Variants in SLAIN1 observed in about 807,000 individuals in gnomAD.
SLAIN1 encodes the protein SLAIN motif-containing protein 1.
Under a neutral mutation model 55.4 loss-of-function variants are expected in SLAIN1, and 17 were observed. That is an observed-to-expected ratio of 0.31 (90% CI 0.21 to 0.46). SLAIN1 has a LOEUF of 0.46. Among genes scored for constraint, SLAIN1 ranks in the 20% least tolerant of loss-of-function variants. The pLI, the probability that SLAIN1 is intolerant of heterozygous loss-of-function variation, is 1.00. For missense variants in SLAIN1, 682 were observed against 785.1 expected (o/e 0.87, Z 1.57); for synonymous variants, 348 against 337.4 (o/e 1.03, Z -0.35).
At chr13:77,756,442 G>A (rs1000527157) in intron 5 of SLAIN1, among the ~76,000 whole-genome samples, 1 of 151,940 alleles carries the variant, frequency 6.6e-6, no homozygotes, top group Admixed American at 6.6e-5. Flanking sequence ...TAATTTCTAG[G>A]TATTGTGATT....
intron 1 of SLAIN1, among the ~76,000 whole-genome samples, chr13:77,714,337 C>T (rs1399201200): frequency 6.6e-6 from 1 of 152,062 alleles, no homozygotes; most frequent in Non-Finnish European, 1.5e-5. Context: ...GAGTACTGGT[C>T]ATGGTGGGTC....
At chr13:77,721,841 G>A (rs1392141548) in intron 2 of SLAIN1, among the ~76,000 whole-genome samples, 1 of 150,206 alleles carries the variant, frequency 6.7e-6, no homozygotes, top group Non-Finnish European at 1.5e-5. Context: ...TTCTTAGCTG[G>A]TGAATTATTA....
At chr13:77,718,742 C>G (rs190890851) in intron 1 of SLAIN1, among the ~76,000 whole-genome samples, 1 of 152,056 alleles carries the variant, frequency 6.6e-6, no homozygotes, top group Non-Finnish European at 1.5e-5. Flanking sequence ...CACCCTCCCC[C>G]CTTTTTTAGT....
intron 1 of SLAIN1, among the ~76,000 whole-genome samples, chr13:77,716,849 G>A (rs2154409615): frequency 6.6e-6 from 1 of 152,100 alleles, no homozygotes; most frequent in East Asian, 1.9e-4. Context: ...TCTTTCCAAT[G>A]TAAATGTTTT....
At chr13:77,724,760 T>G (rs1162650830) in intron 2 of SLAIN1, among the ~76,000 whole-genome samples, 1 of 152,226 alleles carries the variant, frequency 6.6e-6, no homozygotes, top group Non-Finnish European at 1.5e-5. Context: ...TTTATTATAC[T>G]TTAAGTTTTA....
chr13:77,748,683 C>T (rs1360909617), intron 4 of SLAIN1, among the ~76,000 whole-genome samples: 1 of 152,002 alleles, frequency 6.6e-6, no homozygotes, highest in Non-Finnish European at 1.5e-5. Context: ...CCTAAAATGT[C>T]TAGTTTTCAC....
chr13:77,760,796 G>A (rs1357088705), intron 5 of SLAIN1, 32 bp from the exon 6 acceptor site: 1 of 1,606,362 alleles, frequency 6.2e-7, no homozygotes, highest in Non-Finnish European at 8.5e-7. Context: ...GTGGTAGAAG[G>A]TTGCTCACAT....
intron 2 of SLAIN1, among the ~76,000 whole-genome samples, chr13:77,723,547 T>C (rs2091280814): frequency 6.6e-6 from 1 of 152,220 alleles, no homozygotes; most frequent in South Asian, 2.1e-4. Flanking sequence ...TATAGAATTC[T>C]AGGTTAAAAA....
chr13:77,761,009 T>C lies in SLAIN1; in HGVS notation c.1596T>C (p.Ala532=), dbSNP rs1474341042. 6.2e-7 allele frequency: 1 copy of C among 1,614,216 alleles called. No homozygotes were observed. ...SNTGIPTPNK[A]AASGIMGRSA... ...CAGGAATCCCCACACCGAACAAAGCTGCAGCTTCTGGGATAATGGGTCGCA... is the reference window on the plus strand; with the variant it reads ...CAGGAATCCCCACACCGAACAAAGCCGCAGCTTCTGGGATAATGGGTCGCA... The change falls in exon 6 of 7, where the codon GCT becomes GCC. Residue 532 remains alanine, a synonymous_variant. Transcript: ENST00000418532.
chr13:77,726,984 A>G (rs1350316434), intron 2 of SLAIN1, among the ~76,000 whole-genome samples: 1 of 152,176 alleles, frequency 6.6e-6, no homozygotes, highest in African/African-American at 2.4e-5. Context: ...GCTTTTTTGG[A>G]TAATTTACAG....
Position 77,698,884 on chromosome 13 carries a change from G to A in SLAIN1, c.626+345G>A. 6.5e-7 allele frequency: 1 copy of A among 1,531,310 alleles called. No homozygotes were observed. The highest frequency in any genetic ancestry group is 8.7e-7 in the Non-Finnish European group (1 of 1,144,758). The allele number at this position is 1,531,310 out of a possible 1,614,324, so 94.9% of individuals were successfully genotyped here. ...ATGTCATCTTGTCTTTTTGCTCAGT[G>A]CTGCTCTTTTCCCCAGTGTTTTCGG... On this transcript the variant is annotated intron_variant, in intron 1 of 6. Coordinates refer to ENST00000418532, the MANE Select transcript of SLAIN1 (RefSeq NM_001242868.2). This position sits in a 1 kb window ranked among gnomAD's most constrained non-coding sequence, Gnocchi z 4.1.
At chr13:77,761,336 C>G (rs1875004950) in intron 6 of SLAIN1, among the ~76,000 whole-genome samples, 2 of 152,158 alleles carry the variant, frequency 1.3e-5, no homozygotes, top group African/African-American at 4.8e-5. Context: ...ACTATCACTC[C>G]TAAGACGCTC....
intron 2 of SLAIN1, among the ~76,000 whole-genome samples, chr13:77,730,039 A>T (rs1341865407): frequency 1.3e-5 from 2 of 152,102 alleles, no homozygotes; most frequent in Non-Finnish European, 2.9e-5. Context: ...TCTCAGAGAC[A>T]TTGGAGAGGA....
chr13:77,698,751 G>C lies in SLAIN1; in HGVS notation c.626+212G>C. On this transcript the variant is annotated intron_variant, in intron 1 of 6. Transcript: ENST00000418532. This position sits in a 1 kb window ranked among gnomAD's most constrained non-coding sequence, Gnocchi z 4.1. ...GAAGGCAGAAACCTGTTTTCTAATC[G>C]CTCCGACTGCGGATGAACCGGCCCC... 1.8e-6 allele frequency: 2 copies of C among 1,121,684 alleles called. No homozygotes were observed. Among genetic ancestry groups the C allele is most frequent in the Non-Finnish European group, 2.4e-6 (2 of 828,280 alleles). The allele number at this position is 1,121,684 out of a possible 1,614,324, so 69.5% of individuals were successfully genotyped here. A position where few individuals can be genotyped will look rare whatever the true frequency, so the allele number is the denominator to read the frequency against.
Position 77,698,594 on chromosome 13 carries a change from C to T in SLAIN1, c.626+55C>T. ...ACCCTGGCCTCGGGGGCTTCGGGCACCGGGGAGCGGGGGCGGGGGGCGGAC... is the reference window on the plus strand; with the variant it reads ...ACCCTGGCCTCGGGGGCTTCGGGCATCGGGGAGCGGGGGCGGGGGGCGGAC... On this transcript the variant is annotated intron_variant, in intron 1 of 6. Coordinates refer to ENST00000418532, the MANE Select transcript of SLAIN1 (RefSeq NM_001242868.2). The surrounding 1 kb of genome is among the most constrained non-coding windows in gnomAD (Gnocchi z 4.1). The T allele has an allele frequency of 7.4e-7, 1 of 1,344,974 alleles. No homozygotes were observed. The highest frequency in any genetic ancestry group is 9.5e-7 in the Non-Finnish European group (1 of 1,052,808). The allele number at this position is 1,344,974 out of a possible 1,614,324, so 83.3% of individuals were successfully genotyped here.
intron 2 of SLAIN1, among the ~76,000 whole-genome samples, chr13:77,727,685 A>G (rs1325705126): frequency 2.6e-5 from 4 of 152,126 alleles, no homozygotes; most frequent in Non-Finnish European, 4.4e-5. Context: ...AATATGGTGG[A>G]AGTTTTCACC....
chr13:77,763,133 G>T lies in SLAIN1; in HGVS notation c.1698-12G>T. 1 of 1,610,524 alleles carries T rather than the reference G, an allele frequency of 6.2e-7. No individual in the cohort carries two copies. On this transcript the variant is annotated splice_polypyrimidine_tract_variant and intron_variant, in intron 6 of 6. Transcript: ENST00000418532. ...AACAATCTCTCTCTCTGTTTTTCTT[G>T]TCTCTTTTTAGTTTTCTTCAGCCTC...
chr13:77,720,728 C>G (rs1566227569), intron 2 of SLAIN1, among the ~76,000 whole-genome samples: 1 of 152,138 alleles, frequency 6.6e-6, no homozygotes, highest in Non-Finnish European at 1.5e-5. Context: ...AGAGTCAGAG[C>G]CAGGGTCTCT....
chr13:77,758,683 G>A (rs1053760127), intron 5 of SLAIN1, among the ~76,000 whole-genome samples: 11 of 152,024 alleles, frequency 7.2e-5, no homozygotes, highest in African/African-American at 2.7e-4. Context: ...TGAATAGGGT[G>A]TCCTTTCCCC....
Sources: gnomAD v4.1 joint callset for allele counts (sites outside exome capture counted in the v4.1 genomes callset) on GRCh38, gnomAD v4.1.1 for gene constraint, Gnocchi (gnomAD v3.1) non-coding constraint, MANE v1.5 for transcripts, NCBI Gene and HGNC (gene_info 2026-07-23, HGNC 2026-07-21) for gene names.